SUMF1: variants seen among roughly 807,000 people sequenced by gnomAD.
SUMF1 encodes sulfatase modifying factor 1.
Under a neutral mutation model 47.6 loss-of-function variants are expected in SUMF1, and 48 were observed. That is an observed-to-expected ratio of 1.01 (90% CI 0.80 to 1.28). The LOEUF is 1.28. Ranked by LOEUF, SUMF1 falls within the 50% of genes most tolerant of loss-of-function variation. The pLI is 0.00. For missense variants in SUMF1, 571 were observed against 485.4 expected (o/e 1.18, Z -1.66); for synonymous variants, 230 against 192.1 (o/e 1.20, Z -1.63).
At chr3:4,180,474 A>C (rs942463206) in intron 8 of SUMF1, among the ~76,000 whole-genome samples, 1 of 151,546 alleles carries the variant, frequency 6.6e-6, no homozygotes, top group African/African-American at 2.4e-5. Context: ...GTTCTCACTC[A>C]TAGGTGGGAA....
Position 4,213,296 on chromosome 3 carries a change from C to T in SUMF1, c.1015-144551G>A, listed in dbSNP as rs187188288. 3.9e-5 allele frequency among the ~76,000 whole-genome samples: 6 copies of T among 152,252 alleles called. No homozygotes were observed. The East Asian group carries it at 1.2e-3, about 29-fold the overall frequency. Reference sequence around the variant, plus strand: ...GAAAAGAATTTTCAACCGAGAATTTCATATCCAGTCAAACTAAGCTTCATA... The same window carrying T: ...GAAAAGAATTTTCAACCGAGAATTTTATATCCAGTCAAACTAAGCTTCATA... On this transcript the variant is annotated intron_variant and NMD_transcript_variant, in intron 8 of 12. Coordinates refer to the SUMF1 transcript ENST00000448413.
At chr3:4,187,882 C>A (rs1160183831) in intron 8 of SUMF1, among the ~76,000 whole-genome samples, 2 of 152,152 alleles carry the variant, frequency 1.3e-5, no homozygotes, top group African/African-American at 2.4e-5. Flanking sequence ...TGACCATACA[C>A]CCGGACCTTA....
chr3:4,156,794 C>T (rs927454767), intron 8 of SUMF1, among the ~76,000 whole-genome samples: 1 of 151,654 alleles, frequency 6.6e-6, no homozygotes, highest in African/African-American at 2.4e-5. Context: ...GAATTCAATC[C>T]ATTTGAGTTC....
intron 8 of SUMF1, among the ~76,000 whole-genome samples, chr3:4,272,826 C>CT (rs1559639049): frequency 5.9e-5 from 9 of 152,022 alleles, no homozygotes; most frequent in Admixed American, 1.3e-4. Context: ...GTAATCCCAG[C>CT]ACTGTGGGAG....
Position 4,091,505 on chromosome 3 carries a change from A to G in SUMF1, c.1015-22760T>C, listed in dbSNP as rs536515523. 3.9e-4 allele frequency among the ~76,000 whole-genome samples: 60 copies of G among 152,266 alleles called. No individual in the cohort carries two copies. In the South Asian group the frequency reaches 0.011, roughly 29 times the overall value. On this transcript the variant is annotated intron_variant and NMD_transcript_variant, in intron 8 of 12. Coordinates refer to the SUMF1 transcript ENST00000448413. ...CCTTTCACCTGTGTCTTCCTTCAGA[A>G]GACTTCTTTTTTATGTACAAATTGA...
intron 8 of SUMF1, among the ~76,000 whole-genome samples, chr3:4,086,476 T>C (rs1378589255): frequency 6.6e-6 from 1 of 152,076 alleles, no homozygotes; most frequent in African/African-American, 2.4e-5. Flanking sequence ...TGGTGTCTCA[T>C]GCCCGATCTG....
At chr3:4,121,885 T>G (rs1693552765) in intron 8 of SUMF1, among the ~76,000 whole-genome samples, 1 of 152,120 alleles carries the variant, frequency 6.6e-6, no homozygotes. Flanking sequence ...CCCGCTCTGA[T>G]AGGCCCCAGT....
At chr3:4,200,198 A>G (rs1695512533) in intron 8 of SUMF1, among the ~76,000 whole-genome samples, 1 of 121,612 alleles carries the variant, frequency 8.2e-6, no homozygotes, top group African/African-American at 3.2e-5. Context: ...TTTTTTGCGT[A>G]TGGCTACTGT....
At chr3:4,455,117 T>C (rs1274152408) in intron 1 of SUMF1, among the ~76,000 whole-genome samples, 1 of 152,208 alleles carries the variant, frequency 6.6e-6, no homozygotes. Context: ...CCTTCAACCA[T>C]ACCATCTGTC....
intron 8 of SUMF1, among the ~76,000 whole-genome samples, chr3:4,290,122 A>G (rs528619007): frequency 2.6e-5 from 4 of 152,340 alleles, no homozygotes; most frequent in African/African-American, 9.6e-5. Context: ...AACTTAAAAG[A>G]CATACCCAAT....
intron 9 of SUMF1, among the ~76,000 whole-genome samples, chr3:4,062,234 G>C (rs997346168): frequency 6.6e-6 from 1 of 152,080 alleles, no homozygotes; most frequent in Admixed American, 6.6e-5. Context: ...AAATGTATTG[G>C]GAGCATGGTC....
intron 9 of SUMF1, among the ~76,000 whole-genome samples, chr3:4,060,011 T>C (rs1695251740): frequency 6.6e-6 from 1 of 151,986 alleles, no homozygotes. Flanking sequence ...TGAGCTGAGA[T>C]GGGAGAGACA....
intron 3 of SUMF1, among the ~76,000 whole-genome samples, chr3:4,423,237 C>T (rs946977378): frequency 1.2e-4 from 18 of 151,592 alleles, no homozygotes; most frequent in Non-Finnish European, 2.6e-4. Context: ...GTGGAACCAA[C>T]CCAAATGCCC....
chr3:4,380,690 G>A lies in SUMF1; in HGVS notation c.955-4301C>T, dbSNP rs141138267. The stretch of plus-strand genomic sequence containing the variant: ...CCTGTCTCCAAAGGTACTACTGCCC[G>A]TAACTGCTCTAGTCCCATAGACACG... On this transcript the variant is annotated intron_variant, in intron 7 of 8. Coordinates refer to ENST00000272902, the MANE Select transcript of SUMF1 (RefSeq NM_182760.4). 2.6e-3 allele frequency among the ~76,000 whole-genome samples: 395 copies of A among 152,288 alleles called. 4 individuals carry two copies. The highest frequency in any genetic ancestry group is 9.1e-3 in the African/African-American group (377 of 41,552).
At chr3:4,109,998 G>C (rs1477479133) in intron 8 of SUMF1, among the ~76,000 whole-genome samples, 1 of 152,080 alleles carries the variant, frequency 6.6e-6, no homozygotes, top group Non-Finnish European at 1.5e-5. Context: ...GAGGAGAGGC[G>C]CTCTGATTTT....
intron 8 of SUMF1, among the ~76,000 whole-genome samples, chr3:4,241,726 A>G (rs73133380): frequency 0.016 from 2,459 of 152,296 alleles, 68 homozygotes; most frequent in African/African-American, 0.056. Context: ...GAGGAAACAG[A>G]TACCACGAGA....
intron 8 of SUMF1, among the ~76,000 whole-genome samples, chr3:4,212,453 G>C (rs1487797262): frequency 6.6e-6 from 1 of 152,076 alleles, no homozygotes; most frequent in African/African-American, 2.4e-5. Context: ...ACAAAAATGG[G>C]GAGAAACAAG....
At chr3:4,388,715 T>C (rs928272120) in intron 7 of SUMF1, among the ~76,000 whole-genome samples, 1 of 152,098 alleles carries the variant, frequency 6.6e-6, no homozygotes, top group Non-Finnish European at 1.5e-5. Context: ...TATTGTGCTT[T>C]TGAGCATACC....
chr3:4,454,212 A>T (rs959704336), intron 1 of SUMF1, among the ~76,000 whole-genome samples: 6 of 152,180 alleles, frequency 3.9e-5, no homozygotes, highest in Non-Finnish European at 7.3e-5. Context: ...ACCTTCCCAC[A>T]TGAACTCTAA....
Sources: gnomAD v4.1 joint callset for allele counts (sites outside exome capture counted in the v4.1 genomes callset) on GRCh38, gnomAD v4.1.1 for gene constraint, MANE v1.5 for transcripts, NCBI Gene and HGNC (gene_info 2026-07-23, HGNC 2026-07-21) for gene names.